Variants in MCCC1 observed in about 807,000 individuals in gnomAD.
MCCC1 encodes the protein methylcrotonoyl-CoA carboxylase subunit alpha, mitochondrial.
A neutral mutation model predicts 83.8 loss-of-function variants in MCCC1; 64 were observed. That is an observed-to-expected ratio of 0.76 (90% CI 0.62 to 0.94). MCCC1 has a LOEUF of 0.94. Ranked by LOEUF, MCCC1 falls within the 40% of genes least tolerant of loss-of-function variation. The pLI, the probability that MCCC1 is intolerant of heterozygous loss-of-function variation, is 0.00. For missense variants in MCCC1, 807 were observed against 904.7 expected (o/e 0.89, Z 1.39); for synonymous variants, 322 against 315.4 (o/e 1.02, Z -0.22).
intron 7 of MCCC1, among the ~76,000 whole-genome samples, chr3:183,068,395 C>A (rs1716410102): frequency 2.0e-5 from 3 of 152,322 alleles, no homozygotes; most frequent in East Asian, 3.9e-4. Context: ...CCCACCAGCA[C>A]CATGACAGTT....
intron 2 of MCCC1, among the ~76,000 whole-genome samples, chr3:183,092,999 T>C (rs1219451637): frequency 1.3e-5 from 2 of 152,144 alleles, no homozygotes; most frequent in Non-Finnish European, 2.9e-5. Context: ...GGTCAAGCAA[T>C]TCTACTGCTT....
Position 183,045,530 on chromosome 3 carries a change from C to T in MCCC1, c.966G>A (p.Glu322=), listed in dbSNP as rs1004782668. 1 of 1,613,894 alleles carries T rather than the reference C, an allele frequency of 6.2e-7. No individual in the cohort carries two copies. Among genetic ancestry groups the T allele is most frequent in the African/African-American group, 1.3e-5 (1 of 74,930 alleles). The change falls in exon 10 of 19, where the codon GAG becomes GAA. Residue 322 remains glutamate (E), a synonymous_variant. Coordinates refer to ENST00000265594, the MANE Select transcript of MCCC1 (RefSeq NM_020166.5). The part of the protein sequence containing the change: ...AVNYVGAGTV[E]FIMDSKHNFC... Reference sequence around the variant, plus strand: ...AATTATGTTTTGAGTCCATAATAAACTCCACAGTCCCTAAAAGGTAAAAAA... The same window carrying T: ...AATTATGTTTTGAGTCCATAATAAATTCCACAGTCCCTAAAAGGTAAAAAA...
At chr3:183,102,051 T>G (rs570278701), upstream of MCCC1, among the ~76,000 whole-genome samples, 1 of 151,904 alleles carries the variant, frequency 6.6e-6, no homozygotes, top group Non-Finnish European at 1.5e-5. Context: ...ACCGCGAGGG[T>G]GTGCAGCTTC....
intron 14 of MCCC1, among the ~76,000 whole-genome samples, chr3:183,033,469 G>C (rs1406919657): frequency 2.0e-5 from 3 of 152,172 alleles, no homozygotes; most frequent in African/African-American, 7.2e-5. Context: ...ACGTTGTGAA[G>C]ATAAAAACTT....
At chr3:183,100,600 GAT>G (rs1719172988), upstream of MCCC1, among the ~76,000 whole-genome samples, 1 of 152,208 alleles carries the variant, frequency 6.6e-6, no homozygotes, top group South Asian at 2.1e-4. Context: ...AATCAACAAA[GAT>G]ATCACGCACA....
chr3:183,099,243 C>T (rs1387140486), intron 1 of MCCC1, 109 bp downstream of exon 1: 9 of 1,309,550 alleles, frequency 6.9e-6, no homozygotes, highest in Non-Finnish European at 7.4e-6. Flanking sequence ...GTTTTCCTAC[C>T]GTCCTCCCCA....
chr3:183,109,617 T>C (rs1464036027), intron 1 of MCCC1, among the ~76,000 whole-genome samples: 1 of 152,238 alleles, frequency 6.6e-6, no homozygotes, highest in South Asian at 2.1e-4. Context: ...TAGTATTCCA[T>C]AGTAAATATG....
At chr3:183,072,333 T>G (rs1435720068) in intron 5 of MCCC1, 33 bp downstream of exon 5, 1 of 1,611,398 alleles carries the variant, frequency 6.2e-7, no homozygotes, top group Non-Finnish European at 8.5e-7. Context: ...CTGACCTTCA[T>G]ACAGTTATAT....
At chr3:183,088,402 T>A (rs1577355808) in intron 3 of MCCC1, among the ~76,000 whole-genome samples, 2 of 152,116 alleles carry the variant, frequency 1.3e-5, no homozygotes, top group South Asian at 4.2e-4. Context: ...AGACAGGGCC[T>A]CACCATGTTG....
chr3:183,102,292 G>T (rs1324804839), upstream of MCCC1, among the ~76,000 whole-genome samples: 3 of 152,158 alleles, frequency 2.0e-5, no homozygotes, highest in Admixed American at 2.0e-4. Context: ...GAGCCCAGGA[G>T]TTTGAAGCTG....
chr3:183,067,210 AGT>A (rs1474401694), intron 7 of MCCC1, among the ~76,000 whole-genome samples: 1 of 152,222 alleles, frequency 6.6e-6, no homozygotes, highest in African/African-American at 2.4e-5. Flanking sequence ...CCTAACCTGT[AGT>A]AAGTAAAGAA....
In MCCC1 at chr3:183,057,404, C is replaced by T; in HGVS notation, c.780G>A (p.Val260=). 1 of 1,607,296 alleles carries T rather than the reference C, an allele frequency of 6.2e-7. No individual in the cohort carries two copies. Among genetic ancestry groups the T allele is most frequent in the Non-Finnish European group, 8.5e-7 (1 of 1,176,004 alleles). ...VDTPRHVEVQ[V]FGDHHGNAVY... ...CAGCATTGCCATGGTGATCACCAAACACCTGGACTTCTACATGCCTATATA... is the reference window on the plus strand; with the variant it reads ...CAGCATTGCCATGGTGATCACCAAATACCTGGACTTCTACATGCCTATATA... The change falls in exon 8 of 19, where the codon GTG becomes GTA. Residue 260 remains valine (V), a synonymous_variant. Coordinates refer to ENST00000265594, the MANE Select transcript of MCCC1 (RefSeq NM_020166.5).
chr3:183,025,207 AAAG>A (rs1485737263), intron 15 of MCCC1, among the ~76,000 whole-genome samples: 1 of 152,216 alleles, frequency 6.6e-6, no homozygotes, highest in Non-Finnish European at 1.5e-5. Context: ...CCACAAGAAG[AAAG>A]AAGTTCTGGA....
chr3:183,104,770 A>G (rs959358750), intron 1 of MCCC1, among the ~76,000 whole-genome samples: 3 of 152,244 alleles, frequency 2.0e-5, no homozygotes, highest in Non-Finnish European at 2.9e-5. Flanking sequence ...TTCACCTATC[A>G]TATTAGCAGA....
intron 14 of MCCC1, 111 bp downstream of exon 14, chr3:183,033,880 G>T: frequency 1.3e-6 from 1 of 775,954 alleles, no homozygotes; most frequent in Non-Finnish European, 2.2e-6. Context: ...TTTAGCCTAG[G>T]CATTTAAAAA....
intron 15 of MCCC1, among the ~76,000 whole-genome samples, chr3:183,024,078 C>T (rs1712382622): frequency 6.6e-6 from 1 of 152,058 alleles, no homozygotes. Context: ...CAGTGAAACC[C>T]TGTCTTTACT....
At chr3:183,104,710 A>G (rs1404015958) in intron 1 of MCCC1, among the ~76,000 whole-genome samples, 1 of 152,250 alleles carries the variant, frequency 6.6e-6, no homozygotes, top group Admixed American at 6.5e-5. Flanking sequence ...AATATAAAAC[A>G]TACTTAATCT....
chr3:183,102,317 C>T (rs973714819), upstream of MCCC1, among the ~76,000 whole-genome samples: 2 of 152,052 alleles, frequency 1.3e-5, no homozygotes, highest in African/African-American at 4.8e-5. Context: ...GAGCTCTTAT[C>T]ATGCCACTAT....
chr3:183,021,580 G>T (rs1284783242), intron 16 of MCCC1, among the ~76,000 whole-genome samples: 1 of 152,208 alleles, frequency 6.6e-6, no homozygotes, highest in Non-Finnish European at 1.5e-5. Flanking sequence ...AAAGCCCAGA[G>T]AGTTTAACGG....
Sources: gnomAD v4.1 joint callset for allele counts (sites outside exome capture counted in the v4.1 genomes callset) on GRCh38, gnomAD v4.1.1 for gene constraint, MANE v1.5 for transcripts, NCBI Gene and HGNC (gene_info 2026-07-23, HGNC 2026-07-21) for gene names.